The following CMC2 variants were observed in gnomAD, a reference collection of about 807,000 sequenced individuals.
CMC2 encodes the protein C-X9-C motif containing 2.
CMC2 carries 5 observed loss-of-function variants against 7.5 expected under a neutral mutation model. The observed-to-expected ratio is 0.66, with a 90% CI of 0.35 to 1.40. CMC2 has a LOEUF of 1.40. Ranked by LOEUF, CMC2 falls within the 40% of genes most tolerant of loss-of-function variation. The pLI, the probability that CMC2 is intolerant of heterozygous loss-of-function variation, is 0.04. For missense variants in CMC2, 115 were observed against 92.3 expected (o/e 1.25, Z -1.01); for synonymous variants, 37 against 31.4 (o/e 1.18, Z -0.60).
Position 80,977,842 on chromosome 16 carries a change from C to T in CMC2, c.154-1663G>A, listed in dbSNP as rs1185210086. Among the ~76,000 whole-genome samples, 7 of 152,238 alleles carry T rather than the reference C, an allele frequency of 4.6e-5. No homozygotes were observed. The South Asian group carries it at 6.2e-4, about 14-fold the overall frequency. Reference sequence around the variant, plus strand: ...ATCCCAGCACTTTGGGAGGCTGAGGCGAGCAGATCACCTGAGGTCAGGAGT... The same window carrying T: ...ATCCCAGCACTTTGGGAGGCTGAGGTGAGCAGATCACCTGAGGTCAGGAGT... On this transcript the variant is annotated intron_variant, in intron 3 of 3. Coordinates refer to ENST00000219400, the MANE Select transcript of CMC2 (RefSeq NM_020188.5).
chr16:80,996,976 A>G (rs907948248), intron 2 of CMC2: 1 of 454,220 alleles, frequency 2.2e-6, no homozygotes. Flanking sequence ...GAATAATTCC[A>G]TTATAATCAG....
intron 3 of CMC2, among the ~76,000 whole-genome samples, chr16:80,978,938 G>A (rs1966882837): frequency 6.6e-6 from 1 of 152,088 alleles, no homozygotes; most frequent in African/African-American, 2.4e-5. Context: ...AAAATTAGCT[G>A]GGCGTGGTGG....
chr16:81,002,656 T>G (rs1968954425), intron 1 of CMC2, among the ~76,000 whole-genome samples: 1 of 152,222 alleles, frequency 6.6e-6, no homozygotes, highest in Admixed American at 6.5e-5. Flanking sequence ...AAGATGTATA[T>G]AAGCCTAAGT....
At chr16:81,005,955 A>C (rs1969285055) in intron 1 of CMC2, among the ~76,000 whole-genome samples, 1 of 152,242 alleles carries the variant, frequency 6.6e-6, no homozygotes, top group Non-Finnish European at 1.5e-5. Context: ...GCCTCAACGC[A>C]GTAGGAAAAG....
At chr16:81,000,448 A>G (rs181897636) in intron 1 of CMC2, among the ~76,000 whole-genome samples, 257 of 152,304 alleles carry the variant, frequency 1.7e-3, no homozygotes, top group Admixed American at 3.5e-3. Context: ...GTGAGCCAAG[A>G]TGGCGCCACT....
Position 81,006,841 on chromosome 16 carries a change from C to G in CMC2, c.-143G>C, listed in dbSNP as rs1414268998. 1 of 985,750 alleles carries G rather than the reference C, an allele frequency of 1.0e-6. No individual in the cohort carries two copies. The highest frequency in any genetic ancestry group is 1.2e-6 in the Non-Finnish European group (1 of 830,178). The allele number at this position is 985,750 out of a possible 1,614,324, so 61.1% of individuals were successfully genotyped here. A position where few individuals can be genotyped will look rare whatever the true frequency, so the allele number is the denominator to read the frequency against. ...GACAGCTGAACCGCTTGCCAGACGC[C>G]GAAACCCAGTGACGCCCTCCACCGC... On this transcript the variant is annotated 5_prime_UTR_variant, in exon 1 of 4. Transcript: ENST00000219400.
chr16:80,992,664 G>C (rs1005442970), intron 2 of CMC2, among the ~76,000 whole-genome samples: 2 of 143,286 alleles, frequency 1.4e-5, no homozygotes, highest in Admixed American at 6.9e-5. Flanking sequence ...TCATGCTTTT[G>C]CTCATTTTTC....
At chr16:80,982,518 A>C (rs1251866496) in intron 2 of CMC2, 1 of 149,008 alleles carries the variant, frequency 6.7e-6, no homozygotes, top group Non-Finnish European at 1.5e-5. Flanking sequence ...TCTCAGGAAA[A>C]AAAAAAAAAA....
At chr16:80,981,178 T>C (rs1967086742) in intron 3 of CMC2, among the ~76,000 whole-genome samples, 2 of 152,180 alleles carry the variant, frequency 1.3e-5, no homozygotes, top group East Asian at 1.9e-4. Flanking sequence ...AAAAATCTGA[T>C]GTATGAAACA....
intron 2 of CMC2, among the ~76,000 whole-genome samples, chr16:80,996,123 T>C (rs1968397169): frequency 6.6e-6 from 1 of 152,166 alleles, no homozygotes; most frequent in African/African-American, 2.4e-5. Flanking sequence ...GTTGAAAAAC[T>C]CTGCCCCTTA....
chr16:80,992,426 G>T lies in CMC2; in HGVS notation c.81+4888C>A, dbSNP rs369497961. 1.3e-4 allele frequency among the ~76,000 whole-genome samples: 20 copies of T among 152,198 alleles called. No individual in the cohort carries two copies. The East Asian group carries it at 1.9e-3, about 15-fold the overall frequency. On this transcript the variant is annotated intron_variant, in intron 2 of 3. Transcript: ENST00000219400. ...CAAATATACGGCAGTTTTGCTACAA[G>T]GCAGCAAATTCCTCTCTATAAAGAT...
rs1277511095 is a variant in CMC2 at position 80,975,920 on chromosome 16, C to T, written c.*173G>A. 5.2e-6 allele frequency: 3 copies of T among 581,258 alleles called. No individual in the cohort carries two copies. Among genetic ancestry groups the T allele is most frequent in the Non-Finnish European group, 9.1e-6 (3 of 329,800 alleles). 36.0% of individuals were successfully genotyped at this position (581,258 alleles called of 1,614,324 possible). A position where few individuals can be genotyped will look rare whatever the true frequency, so the allele number is the denominator to read the frequency against. ...TAAAGGGGAGACAGTACTAAACGCC[C>T]TGCCCAACAAATACTCAGAATCCAG... On this transcript the variant is annotated 3_prime_UTR_variant, in exon 4 of 4. Coordinates refer to ENST00000219400, the MANE Select transcript of CMC2 (RefSeq NM_020188.5).
chr16:80,989,558 ACAAT>A (rs1242991571), intron 2 of CMC2, among the ~76,000 whole-genome samples: 2 of 152,168 alleles, frequency 1.3e-5, no homozygotes, highest in African/African-American at 4.8e-5. Context: ...CCCTAGCCCT[ACAAT>A]CAGTCATTTC....
rs967978226 is a variant in CMC2, at chr16:80,970,097, A to C, written c.*5996T>G. Reference sequence around the variant, plus strand: ...TGACAGACAGGTATTTAAATAACTTACCTGACCATTGGGAGGGATGAAGAA... The same window carrying C: ...TGACAGACAGGTATTTAAATAACTTCCCTGACCATTGGGAGGGATGAAGAA... On this transcript the variant is annotated 3_prime_UTR_variant, in exon 4 of 4. Transcript: ENST00000219400. 1 of 152,182 alleles carries C rather than the reference A, an allele frequency of 6.6e-6. No homozygotes were observed. Among genetic ancestry groups the C allele is most frequent in the Non-Finnish European group, 1.5e-5 (1 of 68,028 alleles). The allele number at this position is 152,182 out of a possible 1,614,324, so 9.4% of individuals were successfully genotyped here.
intron 2 of CMC2, among the ~76,000 whole-genome samples, chr16:80,994,918 G>C (rs1255424749): frequency 6.6e-6 from 1 of 152,104 alleles, no homozygotes; most frequent in Non-Finnish European, 1.5e-5. Context: ...GGCCATGGCA[G>C]GTGGATCACC....
chr16:81,000,806 A>C (rs546736570), intron 1 of CMC2, among the ~76,000 whole-genome samples: 1 of 152,260 alleles, frequency 6.6e-6, no homozygotes, highest in Non-Finnish European at 1.5e-5. Context: ...CAAAGAGCTT[A>C]AAACAGCTAC....
Position 80,971,411 on chromosome 16 carries a change from CAAAT to C in CMC2, c.*4678_*4681del, listed in dbSNP as rs1282880903. The C allele has an allele frequency of 6.7e-6, 1 of 149,014 alleles. No individual in the cohort carries two copies. Among genetic ancestry groups the C allele is most frequent in the Non-Finnish European group, 1.5e-5 (1 of 67,508 alleles). The allele number at this position is 149,014 out of a possible 1,614,324, so 9.2% of individuals were successfully genotyped here. On this transcript the variant is annotated 3_prime_UTR_variant, in exon 4 of 4. Transcript: ENST00000219400. Reference sequence around the variant, plus strand: ...ACAAAATGCTATATAGCAGGCAAAACAAATAAACAAGAACCTCATTTATCAACAT... The same window carrying C: ...ACAAAATGCTATATAGCAGGCAAAACAAACAAGAACCTCATTTATCAACAT...
chr16:81,003,287 G>A (rs1969001001), intron 1 of CMC2, among the ~76,000 whole-genome samples: 2 of 152,172 alleles, frequency 1.3e-5, no homozygotes, highest in South Asian at 4.1e-4. Flanking sequence ...CTGAAGAAAC[G>A]CTAAATACGT....
intron 2 of CMC2, among the ~76,000 whole-genome samples, chr16:80,989,606 G>A (rs1050400916): frequency 3.3e-5 from 5 of 152,000 alleles, no homozygotes; most frequent in Non-Finnish European, 7.4e-5. Flanking sequence ...ACGGAAGAGC[G>A]GTATTTAAAA....
Sources: gnomAD v4.1 joint callset for allele counts (sites outside exome capture counted in the v4.1 genomes callset) on GRCh38, gnomAD v4.1.1 for gene constraint, MANE v1.5 for transcripts, NCBI Gene and HGNC (gene_info 2026-07-23, HGNC 2026-07-21) for gene names.